The following BRAF variants were observed in gnomAD, a reference collection of about 807,000 sequenced individuals.
BRAF encodes B-Raf proto-oncogene, serine/threonine kinase.
BRAF carries 16 observed loss-of-function variants against 104.6 expected under a neutral mutation model. The observed-to-expected ratio is 0.15, with a 90% confidence interval of 0.10 to 0.23. The LOEUF is 0.23. Among genes scored for constraint, BRAF ranks in the 10% least tolerant of loss-of-function variants. BRAF has a pLI of 1.00. For missense variants in BRAF, 541 were observed against 937.3 expected (o/e 0.58, Z 5.52); for synonymous variants, 310 against 341.6 (o/e 0.91, Z 1.02).
intron 1 of BRAF, among the ~76,000 whole-genome samples, chr7:140,922,926 G>C (rs1474982296): frequency 4.6e-5 from 7 of 152,176 alleles, no homozygotes; most frequent in Admixed American, 1.3e-4. Flanking sequence ...AATTGAAGTA[G>C]AGAAGAGCTT....
chr7:140,886,308 C>T (rs1253452540), intron 1 of BRAF, among the ~76,000 whole-genome samples: 4 of 152,164 alleles, frequency 2.6e-5, no homozygotes, highest in African/African-American at 9.7e-5. Flanking sequence ...TGCTCTAACT[C>T]CCATTCTGCT....
Position 140,919,430 on chromosome 7 carries a change from T to A in BRAF, c.138+5136A>T, listed in dbSNP as rs10235706. Among the ~76,000 whole-genome samples, 16 of 152,180 alleles carry A rather than the reference T, an allele frequency of 1.1e-4. No individual in the cohort carries two copies. In the South Asian group the frequency reaches 1.4e-3, roughly 14 times the overall value. On this transcript the variant is annotated intron_variant, in intron 1 of 19. Transcript: ENST00000644969. ...GGGCATTGAGTTCCCTCTATATGCA[T>A]AGTCTTGATACAGGAAGGAATTAGA...
chr7:140,716,771 G>A (rs1166773382), downstream of BRAF, among the ~76,000 whole-genome samples: 1 of 152,198 alleles, frequency 6.6e-6, no homozygotes, highest in Non-Finnish European at 1.5e-5. Flanking sequence ...GTCTAATAAA[G>A]TTTGAGATGA....
chr7:140,799,544 C>G (rs186815564), intron 7 of BRAF: 1 of 232,290 alleles, frequency 4.3e-6, no homozygotes, highest in East Asian at 6.1e-5. Context: ...CATCTTCATT[C>G]CCTTTATATC....
chr7:140,755,556 A>G (rs1339735342), intron 14 of BRAF, among the ~76,000 whole-genome samples: 2 of 152,182 alleles, frequency 1.3e-5, no homozygotes, highest in Non-Finnish European at 2.9e-5. Context: ...TTCTCCAATT[A>G]CTATTCATAT....
At chr7:140,834,485 A>G in intron 3 of BRAF, 124 bp downstream of exon 3, 1 of 1,309,052 alleles carries the variant, frequency 7.6e-7, no homozygotes, top group Non-Finnish European at 1.1e-6. Context: ...TCATTCCTGT[A>G]TGACATGGAT....
At chr7:140,842,450 T>C (rs1380076647) in intron 2 of BRAF, among the ~76,000 whole-genome samples, 1 of 152,130 alleles carries the variant, frequency 6.6e-6, no homozygotes. Flanking sequence ...CAGGGGACTG[T>C]AGGATTCAAC....
intron 1 of BRAF, among the ~76,000 whole-genome samples, chr7:140,879,976 C>T (rs538606729): frequency 6.6e-6 from 1 of 152,170 alleles, no homozygotes; most frequent in East Asian, 1.9e-4. Context: ...AGGTGATCTG[C>T]CTGCCTTGGT....
In BRAF at chr7:140,924,673, C is replaced by T. The variant is rs1225976306; in HGVS notation, c.31G>A (p.Gly11Ser). The T allele has an allele frequency of 1.7e-6, 2 of 1,170,234 alleles. No homozygotes were observed. The highest frequency in any genetic ancestry group is 2.8e-5 in the East Asian group (1 of 36,344). 72.5% of individuals were successfully genotyped at this position (1,170,234 alleles called of 1,614,324 possible). Residue 11 changes from glycine to serine, a missense_variant, in exon 1 of 20, where the codon GGC becomes AGC. Coordinates refer to ENST00000644969, the MANE Select transcript of BRAF (RefSeq NM_001374258.1). This position sits in a 1 kb window ranked among gnomAD's most constrained non-coding sequence, Gnocchi z 4.2. ...AACAGAGCCTGGCCCGGCTCCGCGCCGCCACCACCGCCACCGCTCAGCGCC... is the reference window on the plus strand; with the variant it reads ...AACAGAGCCTGGCCCGGCTCCGCGCTGCCACCACCGCCACCGCTCAGCGCC... The part of the protein sequence containing the change: MAALSGGGGG[G>S]AEPGQALFNG...
chr7:140,894,468 A>AT (rs1491461119), intron 1 of BRAF, among the ~76,000 whole-genome samples: 1 of 152,154 alleles, frequency 6.6e-6, no homozygotes, highest in Non-Finnish European at 1.5e-5. Flanking sequence ...TTTATATCTC[A>AT]TATGAAGAGA....
intron 5 of BRAF, among the ~76,000 whole-genome samples, chr7:140,805,818 T>A: frequency 6.6e-6 from 1 of 152,160 alleles, no homozygotes; most frequent in East Asian, 1.9e-4. Context: ...CAGCCCTCCT[T>A]GAATAGCCAA....
intron 2 of BRAF, among the ~76,000 whole-genome samples, chr7:140,838,797 A>T (rs1022944503): frequency 6.6e-6 from 1 of 152,254 alleles, no homozygotes; most frequent in Non-Finnish European, 1.5e-5. Flanking sequence ...AGGTACAACT[A>T]GTAAATCCAT....
chr7:140,799,689 C>T, intron 7 of BRAF: 1 of 232,750 alleles, frequency 4.3e-6, no homozygotes, highest in Non-Finnish European at 8.5e-6. Context: ...TTCCTGAGCA[C>T]TCTCTTTTTC....
Position 140,781,634 on chromosome 7 carries a change from T to C in BRAF, c.1494A>G (p.Thr498=), listed in dbSNP as rs761905122. The change falls in exon 12 of 20, where the codon ACA becomes ACG. Residue 498 remains threonine, a synonymous_variant. Transcript: ENST00000644969. ...ATCCAGATCCAATTCTTTGTCCCAC[T>C]GTAATCTGCCCATCAGGAATCTCCC... The part of the protein sequence containing the change: ...DDWEIPDGQI[T]VGQRIGSGSF... The C allele has an allele frequency of 7.4e-6, 12 of 1,614,166 alleles. No homozygotes were observed. Among genetic ancestry groups the C allele is most frequent in the Non-Finnish European group, 8.5e-6 (10 of 1,180,022 alleles).
intron 1 of BRAF, among the ~76,000 whole-genome samples, chr7:140,906,614 T>C (rs573743213): frequency 2.8e-4 from 42 of 152,352 alleles, no homozygotes; most frequent in African/African-American, 9.6e-4. Context: ...AGAATCTTTC[T>C]GCCTTAAGTA....
intron 10 of BRAF, chr7:140,785,598 AAC>A (rs770187860): frequency 6.1e-5 from 24 of 396,586 alleles, no homozygotes; most frequent in Middle Eastern, 6.3e-4. Flanking sequence ...CACACTTACA[AAC>A]ACACGCTGTG....
chr7:140,884,671 G>C (rs1425356417), intron 1 of BRAF, among the ~76,000 whole-genome samples: 1 of 151,692 alleles, frequency 6.6e-6, no homozygotes, highest in African/African-American at 2.4e-5. Flanking sequence ...TGTAGAGATA[G>C]GGTCTTGCTA....
At chr7:140,755,357 A>C (rs920690492) in intron 14 of BRAF, among the ~76,000 whole-genome samples, 3 of 152,244 alleles carry the variant, frequency 2.0e-5, no homozygotes, top group African/African-American at 7.2e-5. Flanking sequence ...ATGAGAATTT[A>C]AAATCCAAAT....
At chr7:140,796,148 C>A (rs1397494431) in intron 7 of BRAF, among the ~76,000 whole-genome samples, 1 of 151,930 alleles carries the variant, frequency 6.6e-6, no homozygotes, top group Non-Finnish European at 1.5e-5. Context: ...GTCAGGAGTT[C>A]AAGACCAGCC....
Sources: gnomAD v4.1 joint callset for allele counts (sites outside exome capture counted in the v4.1 genomes callset) on GRCh38, gnomAD v4.1.1 for gene constraint, Gnocchi (gnomAD v3.1) non-coding constraint, MANE v1.5 for transcripts, NCBI Gene and HGNC (gene_info 2026-07-23, HGNC 2026-07-21) for gene names.